Variants in USP14 observed in about 807,000 individuals in gnomAD.
The protein encoded by USP14 is ubiquitin specific peptidase 14.
In USP14, 38 loss-of-function variants were observed where a neutral mutation model predicts 76.5. The ratio of observed to expected loss-of-function variants is 0.50; its 90% CI spans 0.38 to 0.65. The LOEUF (loss-of-function observed/expected upper bound fraction) is 0.65, where lower values mean the gene tolerates loss of function less well. Among genes scored for constraint, USP14 ranks in the 30% least tolerant of loss-of-function variants. The pLI, the probability that USP14 is intolerant of heterozygous loss-of-function variation, is 0.00. For synonymous variants in USP14, 192 were observed against 191.7 expected, an observed-to-expected ratio of 1.00 and a Z score of -0.01; for missense variants, 467 against 586.5, an observed-to-expected ratio of 0.80 and a Z score of 2.10.
intron 3 of USP14, among the ~76,000 whole-genome samples, chr18:172,667 C>T (rs1459911021): frequency 1.3e-5 from 2 of 152,120 alleles, no homozygotes; most frequent in Non-Finnish European, 2.9e-5. Context: ...AACAAGACCC[C>T]CCACCTGCAA....
chr18:200,109 C>T (rs1454234603), intron 10 of USP14, among the ~76,000 whole-genome samples: 1 of 152,132 alleles, frequency 6.6e-6, no homozygotes, highest in Non-Finnish European at 1.5e-5. Context: ...TGTGCTGTAC[C>T]TTGCTTTATT....
chr18:174,268 CTTT>C (rs34265974), intron 3 of USP14, among the ~76,000 whole-genome samples: 23,306 of 130,500 alleles, frequency 0.18, 1,978 homozygotes, highest in Non-Finnish European at 0.24. Context: ...GTTTTTCTTT[CTTT>C]TTTTTTTTTT....
intron 5 of USP14, among the ~76,000 whole-genome samples, chr18:187,666 A>G (rs563100579): frequency 3.3e-5 from 5 of 152,184 alleles, no homozygotes; most frequent in African/African-American, 4.8e-5. Flanking sequence ...GTAATGTTAG[A>G]TGAATTTTCC....
intron 5 of USP14, among the ~76,000 whole-genome samples, chr18:186,730 T>G (rs956062909): frequency 2.0e-5 from 3 of 151,984 alleles, no homozygotes; most frequent in Non-Finnish European, 4.4e-5. Flanking sequence ...CCAGCCTGGG[T>G]GACAGAGGGA....
At chr18:202,252 C>T (rs1179392295) in intron 10 of USP14, among the ~76,000 whole-genome samples, 5 of 152,140 alleles carry the variant, frequency 3.3e-5, no homozygotes, top group African/African-American at 4.8e-5. Flanking sequence ...CTAACAATAA[C>T]ACTATAACAT....
At chr18:163,562 T>C (rs1909184386) in intron 2 of USP14, 109 bp downstream of exon 2, 2 of 1,258,980 alleles carry the variant, frequency 1.6e-6, no homozygotes, top group African/African-American at 3.0e-5. Context: ...GCTTTTTTTA[T>C]ATGATGAGAG....
rs73364326 is a variant in USP14, at chr18:176,523, T to A, written c.196-2410T>A. On this transcript the variant is annotated intron_variant, in intron 3 of 15. Coordinates refer to ENST00000261601, the MANE Select transcript of USP14 (RefSeq NM_005151.4). Reference sequence around the variant, plus strand: ...AGTTCATTAATTTTAAGCCTTTTTTTAAATCTCTTTTGCTCATTTTTGTAG... The same window carrying A: ...AGTTCATTAATTTTAAGCCTTTTTTAAAATCTCTTTTGCTCATTTTTGTAG... Among the ~76,000 whole-genome samples the A allele has an allele frequency of 4.9e-3, 753 of 152,328 alleles. 2 individuals are homozygous for A. The highest frequency in any genetic ancestry group is 0.016 in the African/African-American group (663 of 41,578).
At chr18:174,004 T>C (rs1909551205) in intron 3 of USP14, among the ~76,000 whole-genome samples, 1 of 152,124 alleles carries the variant, frequency 6.6e-6, no homozygotes, top group Admixed American at 6.5e-5. Flanking sequence ...TTCCAGTTGT[T>C]TTTCTTTTTT....
At chr18:197,571 C>G (rs772997170) in intron 7 of USP14, 45 bp from the exon 8 acceptor site, 1 of 1,466,710 alleles carries the variant, frequency 6.8e-7, no homozygotes, top group Non-Finnish European at 9.5e-7. Flanking sequence ...CTTTGTAGAT[C>G]ATTCACTGCC....
intron 2 of USP14, among the ~76,000 whole-genome samples, chr18:164,415 T>G (rs544730): frequency 6.6e-6 from 1 of 152,092 alleles, no homozygotes; most frequent in Non-Finnish European, 1.5e-5. Flanking sequence ...TTTTTTTTTT[T>G]GGCCTTTATT....
intron 3 of USP14, among the ~76,000 whole-genome samples, chr18:171,335 G>C (rs1183495069): frequency 6.6e-6 from 1 of 152,052 alleles, no homozygotes; most frequent in African/African-American, 2.4e-5. Flanking sequence ...TGTCTTGTTA[G>C]AGGCTAATGT....
rs1474147142 is a variant in USP14, at chr18:158,571, G to T, written c.-128G>T. On this transcript the variant is annotated 5_prime_UTR_variant, in exon 1 of 16. Transcript: ENST00000261601. The stretch of plus-strand genomic sequence containing the variant: ...GTGGCCGGTTTGAATGAGACTCGTC[G>T]CACCGAAGCCGCCGCCACCACCGCG... 1.1e-6 allele frequency: 1 copy of T among 949,480 alleles called. No individual in the cohort carries two copies. Among genetic ancestry groups the T allele is most frequent in the Non-Finnish European group, 1.5e-6 (1 of 656,036 alleles). The allele number at this position is 949,480 out of a possible 1,614,324, so 58.8% of individuals were successfully genotyped here.
intron 10 of USP14, among the ~76,000 whole-genome samples, chr18:200,072 C>T (rs529409250): frequency 6.6e-6 from 1 of 152,218 alleles, no homozygotes; most frequent in Non-Finnish European, 1.5e-5. Context: ...GTTCCTGCTT[C>T]ACACTGTGAA....
At chr18:197,571 C>A in intron 7 of USP14, 45 bp from the exon 8 acceptor site, 1 of 1,466,708 alleles carries the variant, frequency 6.8e-7, no homozygotes, top group Non-Finnish European at 9.5e-7. Context: ...CTTTGTAGAT[C>A]ATTCACTGCC....
In USP14 at chr18:169,911, G is replaced by A. The variant is rs183688794; in HGVS notation, c.195+3092G>A. Among the ~76,000 whole-genome samples, 136 of 152,256 alleles carry A rather than the reference G, an allele frequency of 8.9e-4. 1 individual carries two copies. In the East Asian group the frequency reaches 0.023, roughly 25 times the overall value. ...AAGATGGCAAACTTAATCGACAAAT[G>A]TGTCTTCTGACAGCCTCACCGACCC... is the stretch of plus-strand genomic sequence containing the variant. On this transcript the variant is annotated intron_variant, in intron 3 of 15. Transcript: ENST00000261601.
rs1204131500 is a variant in USP14 at position 213,130 on chromosome 18, G to GT, written c.*1847dup. Reference sequence around the variant, plus strand: ...AAATTATAATGATTCATGTATATTTGTATGATGCTTGTAACTTTGCAAAGT... The same window carrying GT: ...AAATTATAATGATTCATGTATATTTGTTATGATGCTTGTAACTTTGCAAAGT... On this transcript the variant is annotated 3_prime_UTR_variant, in exon 16 of 16. Coordinates refer to ENST00000261601, the MANE Select transcript of USP14 (RefSeq NM_005151.4). 6.6e-6 allele frequency: 1 copy of GT among 151,020 alleles called. No individual in the cohort carries two copies. Among genetic ancestry groups the GT allele is most frequent in the Non-Finnish European group, 1.5e-5 (1 of 67,562 alleles). 9.4% of individuals were successfully genotyped at this position (151,020 alleles called of 1,614,324 possible). A position where few individuals can be genotyped will look rare whatever the true frequency, so the allele number is the denominator to read the frequency against.
chr18:195,430 T>G (rs1910204218), intron 6 of USP14, among the ~76,000 whole-genome samples: 1 of 152,166 alleles, frequency 6.6e-6, no homozygotes, highest in Non-Finnish European at 1.5e-5. Flanking sequence ...ACATTTCACA[T>G]CTTGGGTATT....
At chr18:206,864 G>A (rs1336294227) in intron 13 of USP14, among the ~76,000 whole-genome samples, 1 of 152,208 alleles carries the variant, frequency 6.6e-6, no homozygotes, top group East Asian at 1.9e-4. Context: ...TCACGCCACT[G>A]CCCTCCAGTC....
rs532876283 is a variant in USP14 at position 198,241 on chromosome 18, G to A, written c.761+109G>A. ...GTGGGTAGAAGAAAAATTCTTCAGA[G>A]GTTTTTTTTCTTTGAGACGGAGTTT... On this transcript the variant is annotated intron_variant, in intron 9 of 15. Transcript: ENST00000261601. 43 of 1,021,740 alleles carry A rather than the reference G, an allele frequency of 4.2e-5. No homozygotes were observed. The East Asian group carries it at 9.9e-4, about 24-fold the overall frequency. 63.3% of individuals were successfully genotyped at this position (1,021,740 alleles called of 1,614,324 possible).
Sources: allele counts gnomAD v4.1 joint callset (sites outside exome capture counted in the v4.1 genomes callset), GRCh38; gene constraint gnomAD v4.1.1; transcripts MANE v1.5; gene names NCBI Gene and HGNC (gene_info 2026-07-23, HGNC 2026-07-21).